Variants in TMEM63C observed in about 807,000 individuals in gnomAD.
The protein encoded by TMEM63C is transmembrane protein 63C, also known as osmosensitive cation channel TMEM63C.
Under a neutral mutation model 99.2 loss-of-function variants are expected in TMEM63C, and 32 were observed. That is an observed-to-expected ratio of 0.32 (90% CI 0.24 to 0.43). TMEM63C has a LOEUF of 0.43. Ranked by LOEUF, TMEM63C falls within the 20% of genes least tolerant of loss-of-function variation. The pLI is 1.00. For synonymous variants in TMEM63C, 376 were observed against 397.9 expected, an observed-to-expected ratio of 0.94 and a Z score of 0.66; for missense variants, 826 against 1,053.0, an observed-to-expected ratio of 0.78 and a Z score of 2.98.
In TMEM63C at chr14:77,219,046, G is replaced by GT; in HGVS notation, c.150+85dup. 2.2e-6 allele frequency: 3 copies of GT among 1,366,562 alleles called. No homozygotes were observed. In the East Asian group the frequency reaches 7.9e-5, roughly 36 times the overall value. 84.7% of individuals were successfully genotyped at this position (1,366,562 alleles called of 1,614,324 possible). On this transcript the variant is annotated intron_variant, in intron 3 of 23. Coordinates refer to ENST00000298351, the MANE Select transcript of TMEM63C (RefSeq NM_020431.4). ...CACAGGTGATGCAGTGGGGGACCCA[G>GT]TTGTCCAAATGGACAACAACAACAT...
intron 1 of TMEM63C, 47 bp downstream of exon 1, chr14:77,181,941 G>C (rs1887921453): frequency 6.6e-6 from 1 of 152,346 alleles, no homozygotes; most frequent in South Asian, 2.1e-4. Context: ...TGGTCGGGCC[G>C]GGAAGAAGGG....
intron 2 of TMEM63C, among the ~76,000 whole-genome samples, chr14:77,215,355 C>A (rs562994854): frequency 6.6e-6 from 1 of 152,146 alleles, no homozygotes; most frequent in Non-Finnish European, 1.5e-5. Flanking sequence ...AATCCCAGCA[C>A]TTTGGGAGGC....
In TMEM63C at chr14:77,251,774, TCTC is replaced by T; in HGVS notation, c.2039-8_2039-6del. The T allele has an allele frequency of 6.2e-7, 1 of 1,607,778 alleles. No individual in the cohort carries two copies. The highest frequency in any genetic ancestry group is 8.5e-7 in the Non-Finnish European group (1 of 1,174,240). ...TGGCAGACTCCTGCCCATGACTTTTTCTCCTCCTCGGCAGGTTCTCTCCACGCC... is the reference window on the plus strand; with the variant it reads ...TGGCAGACTCCTGCCCATGACTTTTTCTCCTCGGCAGGTTCTCTCCACGCC... On this transcript the variant is annotated splice_polypyrimidine_tract_variant and intron_variant, in intron 21 of 23. Transcript: ENST00000298351.
At chr14:77,220,273 G>A (rs1888667574) in intron 5 of TMEM63C, among the ~76,000 whole-genome samples, 186 bp downstream of exon 5, 1 of 152,178 alleles carries the variant, frequency 6.6e-6, no homozygotes, top group Non-Finnish European at 1.5e-5. Flanking sequence ...CCTGAAAGAT[G>A]GAGTTATTGA....
At chr14:77,215,600 CA>C (rs796730995) in intron 2 of TMEM63C, among the ~76,000 whole-genome samples, 25 of 82,414 alleles carry the variant, frequency 3.0e-4, no homozygotes, top group Middle Eastern at 6.4e-3. Flanking sequence ...GACTCTGTCT[CA>C]AAAAAAAAAA....
In TMEM63C at chr14:77,218,960, G is replaced by T; in HGVS notation, c.147G>T (p.Trp49Cys). 2.5e-6 allele frequency: 4 copies of T among 1,586,190 alleles called. No homozygotes were observed. The highest frequency in any genetic ancestry group is 3.4e-6 in the Non-Finnish European group (4 of 1,165,768). Reference sequence around the variant, plus strand: ...TGCTGTGCCTCAACATCGCCCTGTGGGTGGTGAGTCCTGGGCACTGCAGGA... The same window carrying T: ...TGCTGTGCCTCAACATCGCCCTGTGTGTGGTGAGTCCTGGGCACTGCAGGA... The part of the protein sequence containing the change: ...PTVLCLNIAL[W>C]VLVLVVYSFL... Residue 49 changes from tryptophan (W) to cysteine (C), a missense_variant, in exon 3 of 24, where the codon TGG (tryptophan) becomes TGT (cysteine). Transcript: ENST00000298351.
At chr14:77,227,437 A>C (rs1888847848) in intron 6 of TMEM63C, among the ~76,000 whole-genome samples, 1 of 152,218 alleles carries the variant, frequency 6.6e-6, no homozygotes, top group African/African-American at 2.4e-5. Flanking sequence ...AGGAAACACA[A>C]AATGATGAGA....
In TMEM63C at chr14:77,225,583, G is replaced by A. The variant is rs540042465; in HGVS notation, c.350+122G>A. ...AGGGCCTGAGCTCCGTATCCTCCCC[G>A]CCACCTCGGCCCATTACCAGTGAAG... On this transcript the variant is annotated intron_variant, in intron 6 of 23. Coordinates refer to ENST00000298351, the MANE Select transcript of TMEM63C (RefSeq NM_020431.4). 5.3e-4 allele frequency: 499 copies of A among 939,052 alleles called. 2 individuals carry two copies. The highest frequency in any genetic ancestry group is 7.2e-4 in the Non-Finnish European group (449 of 627,392). 58.2% of individuals were successfully genotyped at this position (939,052 alleles called of 1,614,324 possible). A position where few individuals can be genotyped will look rare whatever the true frequency, so the allele number is the denominator to read the frequency against.
intron 9 of TMEM63C, 25 bp from the exon 10 acceptor site, chr14:77,238,669 C>T (rs1344588111): frequency 1.3e-6 from 2 of 1,593,710 alleles, no homozygotes; most frequent in Non-Finnish European, 1.7e-6. Context: ...AGTCTTCTTT[C>T]TCCATTTTTA....
intron 1 of TMEM63C, among the ~76,000 whole-genome samples, chr14:77,204,247 A>AT (rs11344024): frequency 6.6e-5 from 10 of 151,436 alleles, no homozygotes; most frequent in African/African-American, 1.7e-4. Flanking sequence ...GATGCGCCAC[A>AT]TTTTTTTTTT....
chr14:77,222,869 C>A (rs1398256910), intron 5 of TMEM63C, among the ~76,000 whole-genome samples: 1 of 152,202 alleles, frequency 6.6e-6, no homozygotes, highest in Non-Finnish European at 1.5e-5. Context: ...CTGTCTGTAA[C>A]GATCCCTCAT....
intron 16 of TMEM63C, 101 bp from the exon 17 acceptor site, chr14:77,245,839 C>A (rs574397034): frequency 1.0e-4 from 90 of 899,380 alleles, no homozygotes; most frequent in Admixed American, 2.4e-4. Context: ...GGACACAGAG[C>A]CAAACCATAT....
chr14:77,237,841 T>G (rs1216824306), intron 9 of TMEM63C, among the ~76,000 whole-genome samples: 1 of 152,176 alleles, frequency 6.6e-6, no homozygotes, highest in Non-Finnish European at 1.5e-5. Context: ...GTGAGGAGCA[T>G]CCTTAGTTCC....
intron 6 of TMEM63C, 82 bp from the exon 7 acceptor site, chr14:77,231,506 C>A: frequency 6.9e-7 from 1 of 1,442,758 alleles, no homozygotes; most frequent in Non-Finnish European, 9.4e-7. Context: ...TGATCATTTT[C>A]TGCCCTTCCC....
At chr14:77,223,270 T>C (rs369404183) in intron 5 of TMEM63C, among the ~76,000 whole-genome samples, 4 of 152,200 alleles carry the variant, frequency 2.6e-5, no homozygotes, top group Non-Finnish European at 5.9e-5. Flanking sequence ...TAAATCCTTA[T>C]GGCAGCAGTG....
At chr14:77,243,850 C>T (rs900589349) in intron 15 of TMEM63C, among the ~76,000 whole-genome samples, 2 of 151,050 alleles carry the variant, frequency 1.3e-5, no homozygotes, top group African/African-American at 4.9e-5. Context: ...TGCATGCACG[C>T]ACACACATAC....
At chr14:77,194,332 A>ATGTGTGTGTGTGTG (rs1363601543) in intron 1 of TMEM63C, among the ~76,000 whole-genome samples, 1 of 59,350 alleles carries the variant, frequency 1.7e-5, no homozygotes. Context: ...ATAGATATAT[A>ATGTGTGTGTGTGTG]TATATGTGTG....
intron 1 of TMEM63C, among the ~76,000 whole-genome samples, chr14:77,189,044 A>C (rs1340904600): frequency 6.6e-6 from 1 of 152,210 alleles, no homozygotes; most frequent in African/African-American, 2.4e-5. Flanking sequence ...TAAATTTCAA[A>C]AACAATGTTG....
chr14:77,251,766 T>C (rs1299616784), intron 21 of TMEM63C, 23 bp from the exon 22 acceptor site: 1 of 1,598,380 alleles, frequency 6.3e-7, no homozygotes, highest in East Asian at 2.2e-5. Context: ...CTCCTGCCCA[T>C]GACTTTTTCT....
Sources: gnomAD v4.1 joint callset for allele counts (sites outside exome capture counted in the v4.1 genomes callset) on GRCh38, gnomAD v4.1.1 for gene constraint, MANE v1.5 for transcripts, NCBI Gene and HGNC (gene_info 2026-07-23, HGNC 2026-07-21) for gene names.